NTRK3: variants seen among roughly 807,000 people sequenced by gnomAD.
NTRK3 encodes the protein neurotrophic receptor tyrosine kinase 3.
In NTRK3, 24 loss-of-function variants were observed where a neutral mutation model predicts 91.7. The observed-to-expected ratio is 0.26, with a 90% CI of 0.19 to 0.37. NTRK3 has a LOEUF of 0.37. Among genes scored for constraint, NTRK3 ranks in the 10% least tolerant of loss-of-function variants. The probability of loss-of-function intolerance (pLI) is 1.00; values close to 1 mark genes in which losing one functional copy is unlikely to be tolerated. For synonymous variants in NTRK3, 483 were observed against 404.0 expected (o/e 1.20, Z -2.34); for missense variants, 880 against 1,068.9 (o/e 0.82, Z 2.46).
At chr15:88,073,041 C>T (rs887081253) in intron 13 of NTRK3, 11 of 192,560 alleles carry the variant, frequency 5.7e-5, no homozygotes, top group African/African-American at 1.6e-4. Context: ...TTGAGGGTCA[C>T]GGAGTGGTGA....
chr15:88,113,249 T>C (rs2051624029), intron 13 of NTRK3, among the ~76,000 whole-genome samples: 1 of 152,060 alleles, frequency 6.6e-6, no homozygotes, highest in African/African-American at 2.4e-5. Context: ...CTATTAATAT[T>C]ATGACCTGCT....
intron 17 of NTRK3, among the ~76,000 whole-genome samples, chr15:87,890,678 T>G (rs1270500709): frequency 6.6e-6 from 1 of 152,082 alleles, no homozygotes; most frequent in Non-Finnish European, 1.5e-5. Context: ...CTTTGGGAAA[T>G]GAAATCCTAT....
chr15:87,900,134 A>T (rs1449273790), intron 17 of NTRK3, among the ~76,000 whole-genome samples: 1 of 152,210 alleles, frequency 6.6e-6, no homozygotes, highest in African/African-American at 2.4e-5. Context: ...TGGAAAAAAT[A>T]ACAGCGTTAA....
chr15:87,970,348 C>T (rs1447792617), intron 14 of NTRK3, among the ~76,000 whole-genome samples: 1 of 152,208 alleles, frequency 6.6e-6, no homozygotes, highest in African/African-American at 2.4e-5. Flanking sequence ...GTCTATCCAT[C>T]AGCAACCAGA....
Position 88,255,920 on chromosome 15 carries a change from C to T in NTRK3, c.234G>A (p.Arg78=). The T allele has an allele frequency of 6.2e-7, 1 of 1,612,436 alleles. No homozygotes were observed. Among genetic ancestry groups the T allele is most frequent in the Non-Finnish European group, 8.5e-7 (1 of 1,179,036 alleles). ...GCCTGACTTACATGGAAGTGATATT[C>T]CTTGAGATGTCCGTGATGTTGATAC... The change falls in exon 3 of 19, where the codon AGG becomes AGA. Residue 78 remains arginine (R), a synonymous_variant. Coordinates refer to ENST00000394480, the Ensembl canonical transcript of NTRK3. The surrounding 1 kb of genome is among the most constrained non-coding windows in gnomAD (Gnocchi z 4.3).
chr15:87,875,202 G>A (rs1439189485), exon 19 of NTRK3: 3 of 230,952 alleles, frequency 1.3e-5, no homozygotes, highest in Admixed American at 1.1e-4. Context: ...GCCCCCGGGA[G>A]GTGAGCTCCA....
At chr15:88,152,747 T>C (rs2043504970) in intron 5 of NTRK3, among the ~76,000 whole-genome samples, 1 of 152,344 alleles carries the variant, frequency 6.6e-6, no homozygotes, top group African/African-American at 2.4e-5. Flanking sequence ...AGCCTCCAAG[T>C]CATGGTTTTC....
At chr15:88,033,091 G>GCCAGTTT in intron 13 of NTRK3, 46 bp from the exon 14 acceptor site, 3 of 1,535,246 alleles carry the variant, frequency 2.0e-6, no homozygotes, top group Non-Finnish European at 2.6e-6. Context: ...GTCACATCCG[G>GCCAGTTT]CCAGTTTCCA....
At chr15:88,067,077 CCTT>C (rs1316662488) in intron 13 of NTRK3, among the ~76,000 whole-genome samples, 1 of 152,324 alleles carries the variant, frequency 6.6e-6, no homozygotes, top group East Asian at 1.9e-4. Flanking sequence ...CCCACTCACT[CCTT>C]CTACCCAGTG....
intron 13 of NTRK3, chr15:88,099,294 A>ATC: frequency 4.6e-6 from 1 of 219,448 alleles, no homozygotes. Context: ...GGAAAAGGAA[A>ATC]ACATGGTCCA....
chr15:88,231,163 T>C (rs1341778291), intron 3 of NTRK3, among the ~76,000 whole-genome samples: 8 of 152,206 alleles, frequency 5.3e-5, no homozygotes, highest in South Asian at 2.1e-4. Flanking sequence ...CCTAACCATT[T>C]CCTGCTAAAG....
intron 3 of NTRK3, among the ~76,000 whole-genome samples, chr15:88,254,954 T>C (rs1268573549): frequency 6.6e-6 from 1 of 152,148 alleles, no homozygotes; most frequent in African/African-American, 2.4e-5. Flanking sequence ...CAGCCCTCGA[T>C]CTGTCCTCTC....
At chr15:88,154,635 G>A (rs141760792) in intron 5 of NTRK3, among the ~76,000 whole-genome samples, 1 of 152,082 alleles carries the variant, frequency 6.6e-6, no homozygotes, top group South Asian at 2.1e-4. Flanking sequence ...CTCAACTGAC[G>A]TGACTGGTGT....
At chr15:87,980,961 T>C (rs1019134515) in intron 14 of NTRK3, among the ~76,000 whole-genome samples, 12 of 152,120 alleles carry the variant, frequency 7.9e-5, no homozygotes, top group East Asian at 1.9e-4. Flanking sequence ...CTGAGAAAGT[T>C]TGTGACACCA....
chr15:88,157,425 T>G (rs1206492615), intron 5 of NTRK3, among the ~76,000 whole-genome samples: 1 of 151,998 alleles, frequency 6.6e-6, no homozygotes, highest in Non-Finnish European at 1.5e-5. Flanking sequence ...AGGATCCCCG[T>G]CCCTTCTGGT....
chr15:87,942,027 GAGGAGACGTAAT>G (rs2069918183), intron 14 of NTRK3, among the ~76,000 whole-genome samples: 1 of 152,236 alleles, frequency 6.6e-6, no homozygotes, highest in African/African-American at 2.4e-5. Flanking sequence ...CCCCATAAAT[GAGGAGACGTAAT>G]AGGGACAGAG....
intron 13 of NTRK3, among the ~76,000 whole-genome samples, chr15:88,094,191 GC>G (rs1049906296): frequency 5.5e-4 from 84 of 152,304 alleles, no homozygotes; most frequent in African/African-American, 2.0e-3. Context: ...AGTCGGCCGG[GC>G]GCGGTGGCTC....
At chr15:88,073,721 G>A (rs955602743) in intron 13 of NTRK3, among the ~76,000 whole-genome samples, 3 of 152,114 alleles carry the variant, frequency 2.0e-5, no homozygotes, top group African/African-American at 7.2e-5. Flanking sequence ...AGAGAAGAAG[G>A]CAAGAGAGAA....
chr15:87,930,687 G>A (rs1188600935), intron 16 of NTRK3, among the ~76,000 whole-genome samples: 1 of 152,176 alleles, frequency 6.6e-6, no homozygotes, highest in South Asian at 2.1e-4. Flanking sequence ...TGCCTCCCAG[G>A]AAGGGTTGGT....
Sources: gnomAD v4.1 joint callset for allele counts (sites outside exome capture counted in the v4.1 genomes callset) on GRCh38, gnomAD v4.1.1 for gene constraint, Gnocchi (gnomAD v3.1) non-coding constraint, MANE v1.5 for transcripts, NCBI Gene and HGNC (gene_info 2026-07-23, HGNC 2026-07-21) for gene names.